NYAP2: variants seen among roughly 807,000 people sequenced by gnomAD.
The protein encoded by NYAP2 is neuronal tyrosine-phosphorylated phosphoinositide-3-kinase adapter 2.
In NYAP2, 23 loss-of-function variants were observed where a neutral mutation model predicts 50.4. The observed-to-expected ratio is 0.46, with a 90% CI of 0.33 to 0.65. The LOEUF (loss-of-function observed/expected upper bound fraction) is 0.65, where lower values mean the gene tolerates loss of function less well. Ranked by LOEUF, NYAP2 falls within the 30% of genes least tolerant of loss-of-function variation. The probability of loss-of-function intolerance (pLI) is 0.02; values close to 1 mark genes in which losing one functional copy is unlikely to be tolerated. For synonymous variants in NYAP2, 394 were observed against 365.2 expected (o/e 1.08, Z -0.90); for missense variants, 885 against 861.0 (o/e 1.03, Z -0.35).
chr2:225,549,777 T>G (rs906369532), intron 4 of NYAP2, among the ~76,000 whole-genome samples: 6 of 151,214 alleles, frequency 4.0e-5, no homozygotes, highest in African/African-American at 1.5e-4. Flanking sequence ...AGGTCAGGAG[T>G]TCAAAACCAC....
chr2:225,405,094 G>A (rs1369058070), intron 2 of NYAP2, among the ~76,000 whole-genome samples: 1 of 152,020 alleles, frequency 6.6e-6, no homozygotes, highest in African/African-American at 2.4e-5. Flanking sequence ...AGGGAGCAGG[G>A]AAGGGGCTAA....
intron 5 of NYAP2, among the ~76,000 whole-genome samples, chr2:225,595,047 C>T (rs762502144): frequency 5.9e-5 from 9 of 152,224 alleles, no homozygotes; most frequent in African/African-American, 7.2e-5. Flanking sequence ...TGCAGAAGTC[C>T]GTAATATTCT....
At chr2:225,546,568 A>C (rs1323557429) in intron 4 of NYAP2, among the ~76,000 whole-genome samples, 1 of 151,898 alleles carries the variant, frequency 6.6e-6, no homozygotes, top group Admixed American at 6.6e-5. Flanking sequence ...TAGGCCTTGG[A>C]TTTACCCTTC....
chr2:225,685,568 A>G, the NYAP2 span, among the ~76,000 whole-genome samples: 1 of 152,206 alleles, frequency 6.6e-6, no homozygotes, highest in African/African-American at 2.4e-5. Flanking sequence ...CTGTAGTTGT[A>G]GTCATTACTA....
At chr2:225,484,797 G>A (rs932995379) in intron 3 of NYAP2, among the ~76,000 whole-genome samples, 3 of 152,200 alleles carry the variant, frequency 2.0e-5, no homozygotes, top group South Asian at 4.1e-4. Flanking sequence ...TGATTGGCCT[G>A]GTCTGGTGGT....
chr2:225,601,277 C>T (rs552400368), intron 5 of NYAP2, among the ~76,000 whole-genome samples: 43 of 152,060 alleles, frequency 2.8e-4, no homozygotes, highest in African/African-American at 8.9e-4. Context: ...TGTGCCACCA[C>T]GACCAGCTAA....
intron 4 of NYAP2, among the ~76,000 whole-genome samples, chr2:225,554,213 T>C (rs1032855826): frequency 6.6e-6 from 1 of 151,652 alleles, no homozygotes; most frequent in African/African-American, 2.4e-5. Context: ...TGTTGTTTTT[T>C]TTTTTTTGCT....
chr2:225,643,141 GA>G (rs1389913147), intron 6 of NYAP2, among the ~76,000 whole-genome samples: 1 of 152,022 alleles, frequency 6.6e-6, no homozygotes, highest in Non-Finnish European at 1.5e-5. Context: ...TCAATGAGTA[GA>G]ACCTTGGAAT....
At chr2:225,574,587 A>T (rs1285481356) in intron 4 of NYAP2, among the ~76,000 whole-genome samples, 1 of 152,078 alleles carries the variant, frequency 6.6e-6, no homozygotes, top group Admixed American at 6.5e-5. Context: ...GTGTTTTTTC[A>T]TTTAAATTTT....
chr2:225,560,237 G>A (rs544268188), intron 4 of NYAP2, among the ~76,000 whole-genome samples: 7 of 151,772 alleles, frequency 4.6e-5, no homozygotes, highest in Non-Finnish European at 7.4e-5. Context: ...ATGCCAATAG[G>A]CATATTATCA....
chr2:225,624,072 TG>T (rs1454866299), intron 5 of NYAP2, among the ~76,000 whole-genome samples: 1 of 152,262 alleles, frequency 6.6e-6, no homozygotes, highest in African/African-American at 2.4e-5. Context: ...AAAGTAAACA[TG>T]TATTATTGGA....
intron 4 of NYAP2, among the ~76,000 whole-genome samples, chr2:225,546,074 A>G (rs938363838): frequency 1.3e-5 from 2 of 152,180 alleles, no homozygotes; most frequent in Admixed American, 6.5e-5. Context: ...GGAGCTGGGT[A>G]TGGGGTGACA....
intron 5 of NYAP2, among the ~76,000 whole-genome samples, chr2:225,625,073 T>A (rs1004369446): frequency 1.2e-3 from 95 of 76,476 alleles, no homozygotes; most frequent in Non-Finnish European, 2.0e-3. Flanking sequence ...AAAAAAAAAA[T>A]TCAGATTTTT....
At chr2:225,498,164 G>A (rs1690540795) in intron 3 of NYAP2, among the ~76,000 whole-genome samples, 1 of 151,604 alleles carries the variant, frequency 6.6e-6, no homozygotes, top group Admixed American at 6.6e-5. Context: ...AGATGCCATG[G>A]GAGATAAAGG....
intron 3 of NYAP2, among the ~76,000 whole-genome samples, chr2:225,425,332 G>T (rs1169995342): frequency 6.6e-6 from 1 of 152,116 alleles, no homozygotes; most frequent in Non-Finnish European, 1.5e-5. Context: ...GTGTGTGTTT[G>T]ATCTATTGAT....
At chr2:225,465,210 G>A (rs544398781) in intron 3 of NYAP2, among the ~76,000 whole-genome samples, 42 of 152,026 alleles carry the variant, frequency 2.8e-4, no homozygotes, top group Non-Finnish European at 5.7e-4. Flanking sequence ...TTGCCACTGG[G>A]ACAAAAGGAG....
At chr2:225,468,002 GA>G (rs1405280915) in intron 3 of NYAP2, among the ~76,000 whole-genome samples, 1 of 152,130 alleles carries the variant, frequency 6.6e-6, no homozygotes, top group Non-Finnish European at 1.5e-5. Flanking sequence ...GGAGAAACAA[GA>G]AAAACCCTCT....
At chr2:225,530,585 G>A (rs1397607663) in intron 4 of NYAP2, among the ~76,000 whole-genome samples, 1 of 152,072 alleles carries the variant, frequency 6.6e-6, no homozygotes, top group Non-Finnish European at 1.5e-5. Context: ...GGTGTCTGTT[G>A]TTTTGCCTGA....
intron 5 of NYAP2, among the ~76,000 whole-genome samples, chr2:225,596,832 C>T (rs143422326): frequency 7.8e-4 from 119 of 152,160 alleles, no homozygotes; most frequent in African/African-American, 2.8e-3. Flanking sequence ...AAGCAAGTAA[C>T]AAGCAGCAAG....
Sources: gnomAD v4.1 joint callset for allele counts (sites outside exome capture counted in the v4.1 genomes callset) on GRCh38, gnomAD v4.1.1 for gene constraint, MANE v1.5 for transcripts, NCBI Gene and HGNC (gene_info 2026-07-23, HGNC 2026-07-21) for gene names.